RALGPS1: variants seen among roughly 807,000 people sequenced by gnomAD.
The protein encoded by RALGPS1 is Ral GEF with PH domain and SH3 binding motif 1.
A neutral mutation model predicts 78.8 loss-of-function variants in RALGPS1; 19 were observed. The observed-to-expected ratio is 0.24, with a 90% CI of 0.17 to 0.35. The LOEUF (loss-of-function observed/expected upper bound fraction) is 0.35, where lower values mean the gene tolerates loss of function less well. RALGPS1 is among the 10% of genes least tolerant of loss of function. The pLI is 1.00. For synonymous variants in RALGPS1, 228 were observed against 256.3 expected, an observed-to-expected ratio of 0.89 and a Z score of 1.06; for missense variants, 454 against 688.3, an observed-to-expected ratio of 0.66 and a Z score of 3.81.
chr9:127,191,455 T>A (rs1297735657), intron 11 of RALGPS1, among the ~76,000 whole-genome samples: 3 of 152,178 alleles, frequency 2.0e-5, no homozygotes, highest in Admixed American at 2.0e-4. Context: ...GAAAAGTTCC[T>A]CCTTTCCCCA....
chr9:126,933,805 G>A (rs929313690), intron 1 of RALGPS1, among the ~76,000 whole-genome samples: 5 of 152,126 alleles, frequency 3.3e-5, no homozygotes, highest in Non-Finnish European at 5.9e-5. Context: ...CACAATGCTT[G>A]CGTGTGCCTG....
intron 7 of RALGPS1, among the ~76,000 whole-genome samples, chr9:127,059,504 C>T (rs1408156634): frequency 6.6e-6 from 1 of 152,158 alleles, no homozygotes; most frequent in East Asian, 1.9e-4. Context: ...AATCTCTTTT[C>T]CCTTGGCTTA....
intron 4 of RALGPS1, among the ~76,000 whole-genome samples, chr9:127,025,687 CTT>C (rs2134323801): frequency 6.6e-6 from 1 of 151,882 alleles, no homozygotes; most frequent in Admixed American, 6.6e-5. Context: ...ATGAACAAAT[CTT>C]TTCTTTCATT....
In RALGPS1 at chr9:127,195,560, A is replaced by G. The variant is rs577822774; in HGVS notation, c.1037+343A>G. ...TGACTCATGGAAAACCCCAAAGTCC[A>G]GTAGACACCAGTGACTGTCATCCAG... On this transcript the variant is annotated intron_variant, in intron 12 of 18. Coordinates refer to ENST00000259351, the MANE Select transcript of RALGPS1 (RefSeq NM_014636.3). 2.0e-4 allele frequency among the ~76,000 whole-genome samples: 30 copies of G among 152,320 alleles called. No individual in the cohort carries two copies. The East Asian group carries it at 5.6e-3, about 28-fold the overall frequency.
intron 4 of RALGPS1, among the ~76,000 whole-genome samples, chr9:126,997,990 C>A (rs1184914303): frequency 6.6e-6 from 1 of 152,154 alleles, no homozygotes; most frequent in Non-Finnish European, 1.5e-5. Flanking sequence ...AAACTGGATC[C>A]CTTCCTTACA....
In RALGPS1 at chr9:127,196,411, G is replaced by A. The variant is rs1198283061; in HGVS notation, c.1038-63G>A. ...CACCATCTGCTCCGGCCCCAGGCAG[G>A]TGTAACCACTGTCACTCCATAGATA... On this transcript the variant is annotated intron_variant, in intron 12 of 18. Coordinates refer to ENST00000259351, the MANE Select transcript of RALGPS1 (RefSeq NM_014636.3). The A allele has an allele frequency of 1.4e-5, 22 of 1,555,898 alleles. 1 individual carries two copies. In the South Asian group the frequency reaches 1.6e-4, roughly 11 times the overall value.
At chr9:127,161,765 A>C (rs956261115) in intron 8 of RALGPS1, among the ~76,000 whole-genome samples, 2 of 152,200 alleles carry the variant, frequency 1.3e-5, no homozygotes, top group African/African-American at 4.8e-5. Context: ...TACACCAGAG[A>C]GTCTGGCTGG....
chr9:127,058,425 G>A (rs541070666), intron 7 of RALGPS1, among the ~76,000 whole-genome samples: 23 of 152,266 alleles, frequency 1.5e-4, no homozygotes, highest in South Asian at 6.2e-4. Context: ...GTGGAAACTG[G>A]GGGCCTACTC....
At chr9:127,125,001 C>T (rs1366863124) in intron 8 of RALGPS1, among the ~76,000 whole-genome samples, 1 of 152,162 alleles carries the variant, frequency 6.6e-6, no homozygotes, top group African/African-American at 2.4e-5. Flanking sequence ...GCACACCTCC[C>T]GCCCCACTGG....
In RALGPS1 at chr9:127,091,034, A is replaced by G. The variant is rs535981264; in HGVS notation, c.610+21678A>G. On this transcript the variant is annotated intron_variant, in intron 8 of 18. Coordinates refer to ENST00000259351, the MANE Select transcript of RALGPS1 (RefSeq NM_014636.3). This position sits in a 1 kb window ranked among gnomAD's most constrained non-coding sequence, Gnocchi z 4.3. ...TCTCTCTCCTATCTGCTTTCCTCTT[A>G]ATAGCTTCCTCTCAGCACTGCACTA... is the stretch of plus-strand genomic sequence containing the variant. 1.3e-5 allele frequency among the ~76,000 whole-genome samples: 2 copies of G among 152,286 alleles called. No individual in the cohort carries two copies. Among genetic ancestry groups the G allele is most frequent in the Admixed American group, 1.3e-4 (2 of 15,296 alleles).
intron 8 of RALGPS1, among the ~76,000 whole-genome samples, chr9:127,090,760 A>G (rs1278724190): frequency 6.6e-6 from 1 of 152,192 alleles, no homozygotes; most frequent in Non-Finnish European, 1.5e-5. Context: ...CTGAGCCTGG[A>G]GGCAGCATCG....
At chr9:126,964,140 C>CT (rs1440363582) in intron 2 of RALGPS1, among the ~76,000 whole-genome samples, 1 of 151,844 alleles carries the variant, frequency 6.6e-6, no homozygotes. Context: ...GGTGGATCAC[C>CT]TGAGGTCAGG....
intron 8 of RALGPS1, chr9:127,094,039 G>GC: frequency 8.1e-7 from 1 of 1,240,778 alleles, no homozygotes; most frequent in South Asian, 1.4e-5. Flanking sequence ...GGAGCCACAG[G>GC]CCCACGGTCT....
intron 1 of RALGPS1, among the ~76,000 whole-genome samples, chr9:126,957,629 G>A (rs73587398): frequency 0.018 from 2,814 of 152,286 alleles, 96 homozygotes; most frequent in African/African-American, 0.064. Flanking sequence ...GAGTTGGTCA[G>A]CCTTATACTG....
At chr9:127,081,612 C>A (rs1052668174) in intron 8 of RALGPS1, among the ~76,000 whole-genome samples, 27 of 152,264 alleles carry the variant, frequency 1.8e-4, no homozygotes, top group African/African-American at 6.3e-4. Flanking sequence ...TCTAATTCCA[C>A]TCCCTCCACA....
chr9:127,046,672 C>CAAAAAAAAAAA (rs71377987), intron 5 of RALGPS1, among the ~76,000 whole-genome samples: 3 of 40,450 alleles, frequency 7.4e-5, no homozygotes, highest in Non-Finnish European at 1.0e-4. Flanking sequence ...CCCATCCATA[C>CAAAAAAAAAAA]AAAAAAAAAA....
intron 4 of RALGPS1, among the ~76,000 whole-genome samples, chr9:127,024,082 A>C (rs2045745882): frequency 6.7e-6 from 1 of 149,498 alleles, no homozygotes; most frequent in South Asian, 2.2e-4. Context: ...TGGTCATGTG[A>C]AAACTGTGTG....
At chr9:127,093,602 G>T in intron 8 of RALGPS1, 1 of 1,135,630 alleles carries the variant, frequency 8.8e-7, no homozygotes, top group Non-Finnish European at 1.3e-6. Flanking sequence ...TATATGTGTT[G>T]TTGGGGCCGC....
intron 14 of RALGPS1, among the ~76,000 whole-genome samples, chr9:127,209,437 A>G (rs773958466): frequency 2.6e-5 from 4 of 152,176 alleles, no homozygotes; most frequent in Non-Finnish European, 5.9e-5. Flanking sequence ...GGAGGTGGCC[A>G]TTGGGCCAGT....
Sources: allele counts gnomAD v4.1 joint callset (sites outside exome capture counted in the v4.1 genomes callset), GRCh38; gene constraint gnomAD v4.1.1; non-coding constraint Gnocchi (gnomAD v3.1); transcripts MANE v1.5; gene names NCBI Gene and HGNC (gene_info 2026-07-23, HGNC 2026-07-21).